The following CDKAL1 variants were observed in gnomAD, a reference collection of about 807,000 sequenced individuals.
CDKAL1 encodes the protein threonylcarbamoyladenosine tRNA methylthiotransferase.
A neutral mutation model predicts 68.2 loss-of-function variants in CDKAL1; 32 were observed. That is an observed-to-expected ratio of 0.47 (90% CI 0.35 to 0.63). The LOEUF is 0.63. Ranked by LOEUF, CDKAL1 falls within the 30% of genes least tolerant of loss-of-function variation. The pLI is 0.00. For missense variants in CDKAL1, 606 were observed against 696.7 expected, an observed-to-expected ratio of 0.87 and a Z score of 1.47; for synonymous variants, 234 against 244.3, an observed-to-expected ratio of 0.96 and a Z score of 0.39.
intron 14 of CDKAL1, 51 bp downstream of exon 14, chr6:21,198,155 C>T (rs757420503): frequency 1.3e-5 from 17 of 1,296,550 alleles, no homozygotes; most frequent in Non-Finnish European, 1.9e-5. Context: ...AGAAAGAGTT[C>T]TGAAAGTTTA....
chr6:20,997,083 G>T (rs916985866), intron 10 of CDKAL1, among the ~76,000 whole-genome samples: 3 of 152,176 alleles, frequency 2.0e-5, no homozygotes, highest in Non-Finnish European at 4.4e-5. Context: ...TTAGTGGTGT[G>T]CTTAGCACAG....
At chr6:20,869,769 A>G (rs543722129) in intron 9 of CDKAL1, among the ~76,000 whole-genome samples, 33 of 152,338 alleles carry the variant, frequency 2.2e-4, no homozygotes, top group Non-Finnish European at 3.8e-4. Flanking sequence ...TATCAATATG[A>G]ATATTAATAT....
chr6:21,154,924 C>T (rs758657686), intron 13 of CDKAL1, among the ~76,000 whole-genome samples: 9 of 151,670 alleles, frequency 5.9e-5, no homozygotes, highest in African/African-American at 7.3e-5. Flanking sequence ...ACCCAGGAGG[C>T]GGAGGTTTCA....
At chr6:20,780,891 C>T (rs930191297) in intron 7 of CDKAL1, among the ~76,000 whole-genome samples, 1 of 152,070 alleles carries the variant, frequency 6.6e-6, no homozygotes, top group Non-Finnish European at 1.5e-5. Flanking sequence ...TCAGGCTGGT[C>T]TCAAACTCCT....
intron 10 of CDKAL1, among the ~76,000 whole-genome samples, chr6:20,970,985 A>C (rs1765567021): frequency 6.6e-6 from 1 of 152,116 alleles, no homozygotes. Context: ...AGTAGCTGGG[A>C]CTACAGGCAC....
chr6:20,924,407 G>A (rs938626091), intron 9 of CDKAL1, among the ~76,000 whole-genome samples: 6 of 150,692 alleles, frequency 4.0e-5, no homozygotes, highest in Non-Finnish European at 7.4e-5. Context: ...GTCAAAAGCC[G>A]GCAGGCTGAA....
At chr6:20,559,922 G>A (rs1764202827) in intron 4 of CDKAL1, among the ~76,000 whole-genome samples, 1 of 152,054 alleles carries the variant, frequency 6.6e-6, no homozygotes, top group South Asian at 2.1e-4. Flanking sequence ...TTAAGAAAAT[G>A]GGCAGATGAT....
chr6:20,535,838 C>T (rs575364969), intron 2 of CDKAL1, among the ~76,000 whole-genome samples: 1 of 152,300 alleles, frequency 6.6e-6, no homozygotes, highest in East Asian at 1.9e-4. Flanking sequence ...TCTACCCATC[C>T]TAATGGGTAT....
chr6:20,740,951 G>A (rs1187925182), intron 6 of CDKAL1, among the ~76,000 whole-genome samples: 1 of 152,076 alleles, frequency 6.6e-6, no homozygotes, highest in Non-Finnish European at 1.5e-5. Context: ...GAAACTAGTT[G>A]GAAGTCTTTT....
intron 9 of CDKAL1, among the ~76,000 whole-genome samples, chr6:20,923,829 T>C (rs1763065146): frequency 6.6e-6 from 1 of 152,134 alleles, no homozygotes; most frequent in African/African-American, 2.4e-5. Flanking sequence ...CTGGGCAACA[T>C]GGTGAAACCC....
chr6:20,829,016 T>G (rs1561811970), intron 8 of CDKAL1, among the ~76,000 whole-genome samples: 1 of 152,224 alleles, frequency 6.6e-6, no homozygotes, highest in South Asian at 2.1e-4. Flanking sequence ...CATGTCACAT[T>G]TCATTTTTTA....
At chr6:20,586,978 GTTTTTTTTTT>G (rs750210435) in intron 4 of CDKAL1, among the ~76,000 whole-genome samples, 6 of 44,452 alleles carry the variant, frequency 1.3e-4, no homozygotes, top group Admixed American at 3.5e-4. Context: ...TCCTCCAGGT[GTTTTTTTTTT>G]TTTTTTTTTT....
intron 10 of CDKAL1, among the ~76,000 whole-genome samples, chr6:20,960,949 C>A (rs572309251): frequency 6.6e-6 from 1 of 152,208 alleles, no homozygotes; most frequent in East Asian, 1.9e-4. Flanking sequence ...CTCTTAACTT[C>A]TTTCTCCTCT....
chr6:20,981,571 G>C (rs1198118201), intron 10 of CDKAL1, among the ~76,000 whole-genome samples: 4 of 152,234 alleles, frequency 2.6e-5, no homozygotes, highest in Non-Finnish European at 5.9e-5. Flanking sequence ...GCCGGGCACA[G>C]TGGCTCACGC....
intron 13 of CDKAL1, among the ~76,000 whole-genome samples, chr6:21,154,999 C>G (rs796155655): frequency 7.4e-6 from 1 of 135,386 alleles, no homozygotes; most frequent in African/African-American, 3.0e-5. Context: ...CCCACCCCCC[C>G]CAAAAAAAAA....
At position 20,872,119 on chromosome 6, in the gene CDKAL1, TATC is replaced by T. The variant is rs1398839607; in HGVS notation, c.742+25944_742+25946del. 2.6e-5 allele frequency among the ~76,000 whole-genome samples: 4 copies of T among 152,106 alleles called. No individual in the cohort carries two copies. In the East Asian group the frequency reaches 7.7e-4, roughly 29 times the overall value. On this transcript the variant is annotated intron_variant, in intron 9 of 15. Coordinates refer to ENST00000274695, the MANE Select transcript of CDKAL1 (RefSeq NM_017774.3). ...TAGAAGGGAGTAGCCACACAAAAAA[TATC>T]ATGTTTAAAAACATAACCAACAACT...
chr6:20,998,901 C>G (rs528199451), intron 10 of CDKAL1, among the ~76,000 whole-genome samples: 3 of 152,300 alleles, frequency 2.0e-5, no homozygotes, highest in African/African-American at 7.2e-5. Context: ...GAGTTCATCT[C>G]TGGGCTTCCC....
chr6:21,183,137 G>GT (rs35815279), intron 13 of CDKAL1, among the ~76,000 whole-genome samples: 14,533 of 144,254 alleles, frequency 0.1, 789 homozygotes, highest in African/African-American at 0.15. Context: ...GCTGCTCTAG[G>GT]TTTTTTTTTT....
intron 13 of CDKAL1, among the ~76,000 whole-genome samples, chr6:21,164,680 A>C (rs1303759690): frequency 6.6e-6 from 1 of 152,162 alleles, no homozygotes; most frequent in Non-Finnish European, 1.5e-5. Flanking sequence ...ATCAAAGATG[A>C]GGTCAGAATG....
Sources: gnomAD v4.1 joint callset for allele counts (sites outside exome capture counted in the v4.1 genomes callset) on GRCh38, gnomAD v4.1.1 for gene constraint, MANE v1.5 for transcripts, NCBI Gene and HGNC (gene_info 2026-07-23, HGNC 2026-07-21) for gene names.